Variants in PCDHGB4 observed in about 807,000 individuals in gnomAD.
PCDHGB4 encodes the protein protocadherin gamma subfamily B, 4.
In PCDHGB4, 38 loss-of-function variants were observed where a neutral mutation model predicts 60.5. The observed-to-expected ratio is 0.63, with a 90% CI of 0.48 to 0.82. PCDHGB4 has a LOEUF of 0.82. Ranked by LOEUF, PCDHGB4 falls within the 40% of genes least tolerant of loss-of-function variation. PCDHGB4 has a pLI of 0.00. For synonymous variants in PCDHGB4, 456 were observed against 509.7 expected, an observed-to-expected ratio of 0.89 and a Z score of 1.42; for missense variants, 1,109 against 1,209.6, an observed-to-expected ratio of 0.92 and a Z score of 1.23.
At chr5:141,409,168 G>T in intron 1 of PCDHGB4, 1 of 1,614,032 alleles carries the variant, frequency 6.2e-7, no homozygotes, top group Non-Finnish European at 8.5e-7. Flanking sequence ...TGGAAGCGAA[G>T]GACGGAGGTG....
intron 1 of PCDHGB4, chr5:141,407,937 C>G: frequency 2.0e-6 from 1 of 511,428 alleles, no homozygotes; most frequent in Non-Finnish European, 3.3e-6. Context: ...AGCCTCTGGG[C>G]GCCGCTGTCG....
In PCDHGB4 at chr5:141,493,164, T is replaced by C. The variant is rs558860783; in HGVS notation, c.2398-1643T>C. Among the ~76,000 whole-genome samples the C allele has an allele frequency of 4.6e-5, 7 of 152,340 alleles. 1 individual carries two copies. The South Asian group carries it at 1.2e-3, about 27-fold the overall frequency. On this transcript the variant is annotated intron_variant, in intron 1 of 3. Coordinates refer to ENST00000519479, the MANE Select transcript of PCDHGB4 (RefSeq NM_003736.4). The surrounding 1 kb of genome is among the most constrained non-coding windows in gnomAD (Gnocchi z 4.3). Reference sequence around the variant, plus strand: ...ACCCCCAGGTGATTTTGATAGCTGATTGAGAGAAACTTACTATATAACTCC... The same window carrying C: ...ACCCCCAGGTGATTTTGATAGCTGACTGAGAGAAACTTACTATATAACTCC...
chr5:141,392,897 G>T (rs2150498343), intron 1 of PCDHGB4: 6 of 1,613,776 alleles, frequency 3.7e-6, no homozygotes, highest in Non-Finnish European at 5.1e-6. Flanking sequence ...AAATCGGGAG[G>T]GGACAGATTC....
At position 141,487,780 on chromosome 5, in the gene PCDHGB4, C is replaced by T. The variant is rs1423149; in HGVS notation, c.2398-7027C>T. On this transcript the variant is annotated intron_variant, in intron 1 of 3. Transcript: ENST00000519479. The surrounding 1 kb of genome is among the most constrained non-coding windows in gnomAD (Gnocchi z 5.0). ...TAGACGCTGTGCTTTGTAACTGTTT[C>T]GTGAATTAACCAGAGTTGTCACAGT... 0.06 allele frequency: 91,434 copies of T among 1,526,176 alleles called. 5,728 individuals carry two copies. Among genetic ancestry groups the T allele is most frequent in the African/African-American group, 0.33 (23,789 of 72,466 alleles). The allele number at this position is 1,526,176 out of a possible 1,614,324, so 94.5% of individuals were successfully genotyped here. A position where few individuals can be genotyped will look rare whatever the true frequency, so the allele number is the denominator to read the frequency against.
intron 1 of PCDHGB4, chr5:141,417,791 C>T: frequency 6.7e-7 from 1 of 1,482,658 alleles, no homozygotes; most frequent in Non-Finnish European, 9.0e-7. Context: ...GCCGAATGCT[C>T]TTTTAGCGCG....
chr5:141,407,704 T>C (rs977444941), intron 1 of PCDHGB4, among the ~76,000 whole-genome samples: 5 of 152,144 alleles, frequency 3.3e-5, no homozygotes, highest in Admixed American at 1.3e-4. Context: ...TTGTTGAAGG[T>C]GGGGTGATGG....
At chr5:141,393,370 A>G (rs2092740114) in intron 1 of PCDHGB4, 5 of 1,613,954 alleles carry the variant, frequency 3.1e-6, no homozygotes, top group Non-Finnish European at 2.5e-6. Context: ...CAGACTGGAG[A>G]CAATGGAGCC....
chr5:141,413,036 T>TGGGCTGCA, intron 1 of PCDHGB4: 1 of 805,900 alleles, frequency 1.2e-6, no homozygotes, highest in Non-Finnish European at 1.9e-6. Flanking sequence ...AACCGGCTGC[T>TGGGCTGCA]GGGCTGCAGG....
Position 141,512,423 on chromosome 5 carries a change from T to C in PCDHGB4, c.*1250T>C, listed in dbSNP as rs2099884220. ...GATGGGGCTTCTTCAACAGGGCCCC[T>C]GCCCTCCTGAAGCCTCAGTCCTTCA... is the stretch of plus-strand genomic sequence containing the variant. On this transcript the variant is annotated 3_prime_UTR_variant, in exon 4 of 4. Transcript: ENST00000519479. 1 of 152,754 alleles carries C rather than the reference T, an allele frequency of 6.5e-6. No individual in the cohort carries two copies. The highest frequency in any genetic ancestry group is 6.5e-5 in the Admixed American group (1 of 15,274). The allele number at this position is 152,754 out of a possible 1,614,324, so 9.5% of individuals were successfully genotyped here.
At chr5:141,462,271 G>C (rs2099036316) in intron 1 of PCDHGB4, among the ~76,000 whole-genome samples, 1 of 152,174 alleles carries the variant, frequency 6.6e-6, no homozygotes, top group African/African-American at 2.4e-5. Context: ...AAAGTGTATT[G>C]TTTAGTCACC....
At chr5:141,502,512 T>C (rs1029375922) in intron 2 of PCDHGB4, among the ~76,000 whole-genome samples, 2 of 152,212 alleles carry the variant, frequency 1.3e-5, no homozygotes, top group East Asian at 1.9e-4. Context: ...CCTGTCCCAC[T>C]ATCAGTGATG....
At chr5:141,499,013 GA>G (rs2099788463) in intron 2 of PCDHGB4, among the ~76,000 whole-genome samples, 1 of 144,746 alleles carries the variant, frequency 6.9e-6, no homozygotes, top group Non-Finnish European at 1.5e-5. Context: ...AGGAAGGAAG[GA>G]AGGAAGGAAG....
chr5:141,450,991 A>AT (rs1351194705), intron 1 of PCDHGB4, among the ~76,000 whole-genome samples: 1 of 150,700 alleles, frequency 6.6e-6, no homozygotes. Context: ...CACCCGGCTA[A>AT]TTTTTTTGTA....
At chr5:141,410,849 C>CTTGTTTTTTTTTTTTTTT (rs2095431880) in intron 1 of PCDHGB4, 1 of 129,786 alleles carries the variant, frequency 7.7e-6, no homozygotes, top group African/African-American at 6.0e-5. Context: ...TTGTCTTTGT[C>CTTGTTTTTTTTTTTTTTT]TTTTTTTTTT....
Position 141,403,170 on chromosome 5 carries a change from A to C in PCDHGB4, c.2397+12889A>C. On this transcript the variant is annotated intron_variant, in intron 1 of 3. Transcript: ENST00000519479. ...CGCATCGTCTCTAGAGGTAGGACGC[A>C]GCTTTTCTCTCTGAACCCGCGCAGC... is the stretch of plus-strand genomic sequence containing the variant. 1 of 1,614,048 alleles carries C rather than the reference A, an allele frequency of 6.2e-7. No homozygotes were observed. Among genetic ancestry groups the C allele is most frequent in the East Asian group, 2.2e-5 (1 of 44,886 alleles).
intron 1 of PCDHGB4, among the ~76,000 whole-genome samples, chr5:141,401,212 G>A (rs2094128608): frequency 6.6e-6 from 1 of 151,930 alleles, no homozygotes; most frequent in Non-Finnish European, 1.5e-5. Context: ...TGTGGTGGCG[G>A]GCGCCTGTAA....
chr5:141,426,646 T>C (rs764903298), intron 1 of PCDHGB4: 1 of 416,448 alleles, frequency 2.4e-6, no homozygotes, highest in South Asian at 1.7e-5. Flanking sequence ...ATAAATGTGA[T>C]GATAGAAGAT....
chr5:141,502,785 A>G (rs576095718), intron 2 of PCDHGB4, among the ~76,000 whole-genome samples: 2 of 150,900 alleles, frequency 1.3e-5, no homozygotes, highest in East Asian at 3.9e-4. Context: ...AATTACCTGG[A>G]TGATTTCTTC....
chr5:141,508,077 G>T (rs1166570509), intron 3 of PCDHGB4: 1 of 152,446 alleles, frequency 6.6e-6, no homozygotes, highest in Non-Finnish European at 1.5e-5. Context: ...GGCTACTCTG[G>T]AGTTGCTGCC....
Sources: gnomAD v4.1 joint callset for allele counts (sites outside exome capture counted in the v4.1 genomes callset) on GRCh38, gnomAD v4.1.1 for gene constraint, Gnocchi (gnomAD v3.1) non-coding constraint, MANE v1.5 for transcripts, NCBI Gene and HGNC (gene_info 2026-07-23, HGNC 2026-07-21) for gene names.